PNPLA1: variants seen among roughly 807,000 people sequenced by gnomAD.
The protein encoded by PNPLA1 is omega-hydroxyceramide transacylase.
PNPLA1 carries 36 observed loss-of-function variants against 51.7 expected under a neutral mutation model. The observed-to-expected ratio is 0.70, with a 90% CI of 0.53 to 0.92. The LOEUF is 0.92. PNPLA1 is among the 40% of genes least tolerant of loss of function. The pLI is 0.00. For synonymous variants in PNPLA1, 293 were observed against 280.1 expected (o/e 1.05, Z -0.46); for missense variants, 658 against 682.5 (o/e 0.96, Z 0.40).
rs1321284108 is a variant in PNPLA1, at chr6:36,245,061, C to A, written c.-81+1800C>A. Among the ~76,000 whole-genome samples the A allele has an allele frequency of 2.0e-5, 3 of 152,196 alleles. No individual in the cohort carries two copies. The East Asian group carries it at 5.8e-4, about 29-fold the overall frequency. Reference sequence around the variant, plus strand: ...ACATCTCGAAGCGGGGCCCGCAGGTCATAGGTGGATTCAAAGATCCTCTGA... The same window carrying A: ...ACATCTCGAAGCGGGGCCCGCAGGTAATAGGTGGATTCAAAGATCCTCTGA... On this transcript the variant is annotated intron_variant, in intron 1 of 7. Transcript: ENST00000312917.
At chr6:36,248,059 G>A (rs563359644) in intron 1 of PNPLA1, among the ~76,000 whole-genome samples, 10 of 152,220 alleles carry the variant, frequency 6.6e-5, no homozygotes, top group South Asian at 2.1e-4. Flanking sequence ...ATCTGCCACC[G>A]TGTACCATGC....
rs61365486 is a variant in PNPLA1, at chr6:36,282,249, G to GGAAA, written c.206-9048_206-9045dup. Among the ~76,000 whole-genome samples the GGAAA allele has an allele frequency of 6.2e-3, 698 of 112,038 alleles. 3 individuals carry two copies. The highest frequency in any genetic ancestry group is 0.017 in the African/African-American group (494 of 28,924). The allele number at this position is 112,038 out of a possible 152,430, so 73.5% of individuals were successfully genotyped here. A position where few individuals can be genotyped will look rare whatever the true frequency, so the allele number is the denominator to read the frequency against. ...AGGAAGGAAGGAAAGAAAGAAAGAA[G>GGAAA]GAAAGAAAGAAAGAAAGAAAGAAAG... On this transcript the variant is annotated intron_variant, in intron 1 of 8. Transcript: ENST00000636260.
At position 36,302,005 on chromosome 6, in the gene PNPLA1, C is replaced by T. The variant is rs1771068168; in HGVS notation, c.920C>T (p.Ala307Val). ...LRARQASLEG[A>V]TQPHKEWVPK... is the part of the protein sequence containing the mutation. Reference sequence around the variant, plus strand: ...GCACGGCAGGCCAGTCTGGAAGGAGCCACACAACCTCACAAGGAGTGGGTT... The same window carrying T: ...GCACGGCAGGCCAGTCTGGAAGGAGTCACACAACCTCACAAGGAGTGGGTT... Residue 307 changes from alanine (A) to valine (V), a missense_variant, in exon 6 of 9, where the codon GCC (alanine) becomes GTC (valine). Transcript: ENST00000636260. 1.2e-6 allele frequency: 2 copies of T among 1,614,250 alleles called. No homozygotes were observed. The highest frequency in any genetic ancestry group is 1.7e-6 in the Non-Finnish European group (2 of 1,180,044).
chr6:36,287,233 A>T lies in PNPLA1; in HGVS notation c.206-4087A>T, dbSNP rs193070237. Among the ~76,000 whole-genome samples the T allele has an allele frequency of 5.9e-5, 9 of 152,294 alleles. No individual in the cohort carries two copies. In the East Asian group the frequency reaches 1.5e-3, roughly 26 times the overall value. ...CCTTGGTGGGCATAGAATATGGCCCATCTCTCCCCTGGAGGAATTTCCAGC... is the reference window on the plus strand; with the variant it reads ...CCTTGGTGGGCATAGAATATGGCCCTTCTCTCCCCTGGAGGAATTTCCAGC... On this transcript the variant is annotated intron_variant, in intron 1 of 8. Transcript: ENST00000636260.
chr6:36,256,241 A>G (rs1769530723), intron 1 of PNPLA1, among the ~76,000 whole-genome samples: 1 of 152,140 alleles, frequency 6.6e-6, no homozygotes, highest in African/African-American at 2.4e-5. Flanking sequence ...CTGTAATCCT[A>G]GCACTTTGAG....
intron 5 of PNPLA1, among the ~76,000 whole-genome samples, chr6:36,297,888 A>ACACACACACACACC (rs60041749): frequency 2.7e-5 from 4 of 150,784 alleles, no homozygotes; most frequent in African/African-American, 9.8e-5. Flanking sequence ...ACACACACAC[A>ACACACACACACACC]CCCTGTGAAA....
rs374973035 is a variant in PNPLA1, at chr6:36,270,636, C to T, written c.177C>T (p.Ala59=). The T allele has an allele frequency of 3.5e-5, 54 of 1,551,262 alleles. No homozygotes were observed. In the South Asian group the frequency reaches 3.9e-4, roughly 11 times the overall value. ...FAGTSAGAVI[A]ALAICGIEMD... ...GGACATCGGCAGGTGCTGTGATCGC[C>T]GCCCTGGCCATCTGCGGGATTGAAA... Residue 59 remains alanine, a synonymous_variant, in exon 1 of 9, where the codon GCC becomes GCT. Coordinates refer to ENST00000636260, the MANE Select transcript of PNPLA1 (RefSeq NM_001374623.1).
chr6:36,264,592 A>G (rs1356521666), intron 1 of PNPLA1, among the ~76,000 whole-genome samples: 1 of 152,164 alleles, frequency 6.6e-6, no homozygotes, highest in Non-Finnish European at 1.5e-5. Flanking sequence ...GTGAAAGGTG[A>G]TATTGATTAG....
chr6:36,271,978 C>T (rs374009700), intron 1 of PNPLA1, among the ~76,000 whole-genome samples: 6 of 152,160 alleles, frequency 3.9e-5, no homozygotes, highest in African/African-American at 7.2e-5. Context: ...GCCTAGTTCC[C>T]GGCATTGTTA....
chr6:36,268,875 T>C (rs1769826662), upstream of PNPLA1, among the ~76,000 whole-genome samples: 1 of 152,186 alleles, frequency 6.6e-6, no homozygotes, highest in Admixed American at 6.5e-5. Context: ...GGGCAGGGTC[T>C]CTGCTGTCCA....
upstream of PNPLA1, among the ~76,000 whole-genome samples, chr6:36,265,669 AGG>A (rs1258560202): frequency 5.3e-5 from 8 of 152,242 alleles, 1 homozygote; most frequent in Admixed American, 5.2e-4. Context: ...GCAAATATCA[AGG>A]GAACAGTGAC....
chr6:36,288,799 C>T (rs544210365), intron 1 of PNPLA1, among the ~76,000 whole-genome samples: 149 of 152,020 alleles, frequency 9.8e-4, no homozygotes, highest in African/African-American at 3.4e-3. Flanking sequence ...CAGCTGGGTG[C>T]GGTGGCACAT....
intron 1 of PNPLA1, among the ~76,000 whole-genome samples, chr6:36,274,214 A>T (rs1770020840): frequency 6.6e-6 from 1 of 152,210 alleles, no homozygotes; most frequent in South Asian, 2.1e-4. Flanking sequence ...AGAAAATTTA[A>T]ATAACTTGCC....
chr6:36,266,483 T>G (rs1162773105), upstream of PNPLA1, among the ~76,000 whole-genome samples: 1 of 152,202 alleles, frequency 6.6e-6, no homozygotes, highest in Non-Finnish European at 1.5e-5. Flanking sequence ...GGTCTCCCTG[T>G]GTGCCTTTTA....
Position 36,295,374 on chromosome 6 carries a change from A to AT in PNPLA1, c.727dup (p.Tyr243LeufsTer22). ...TGCCTCCGCCCACAGATCCTGCACG[A>AT]TTACTACTACCGAGGGTACGAGGAT... On this transcript the variant is annotated frameshift_variant, in exon 5 of 9. Transcript: ENST00000636260. LOFTEE classifies it high-confidence loss of function. 2 of 1,614,132 alleles carry AT rather than the reference A, an allele frequency of 1.2e-6. No homozygotes were observed. Among genetic ancestry groups the AT allele is most frequent in the Non-Finnish European group, 1.7e-6 (2 of 1,180,022 alleles).
chr6:36,261,915 G>A (rs1769657666), intron 1 of PNPLA1, among the ~76,000 whole-genome samples: 1 of 152,206 alleles, frequency 6.6e-6, no homozygotes, highest in African/African-American at 2.4e-5. Flanking sequence ...ATGCTGATCT[G>A]ATCCCTTTCT....
chr6:36,269,938 C>T (rs1360137619), upstream of PNPLA1, among the ~76,000 whole-genome samples: 3 of 152,206 alleles, frequency 2.0e-5, no homozygotes, highest in Admixed American at 6.5e-5. Flanking sequence ...TGGAGGGAGG[C>T]GGGCTTGGAA....
Position 36,286,172 on chromosome 6 carries a change from C to A in PNPLA1, c.206-5148C>A, listed in dbSNP as rs191838334. On this transcript the variant is annotated intron_variant, in intron 1 of 8. Transcript: ENST00000636260. ...ATCCAGTAAGGTAGGTATTCTTATA[C>A]TAATTTTACAGGCAACAAAGTTGAG... 3.9e-5 allele frequency among the ~76,000 whole-genome samples: 6 copies of A among 152,328 alleles called. No homozygotes were observed. In the East Asian group the frequency reaches 9.6e-4, roughly 24 times the overall value.
chr6:36,262,222 T>G (rs1011225770), intron 1 of PNPLA1, among the ~76,000 whole-genome samples: 3 of 151,922 alleles, frequency 2.0e-5, no homozygotes, highest in Admixed American at 2.0e-4. Context: ...CAATCCACTT[T>G]CCCCTGTCCC....
Sources: gnomAD v4.1 joint callset for allele counts (sites outside exome capture counted in the v4.1 genomes callset) on GRCh38, gnomAD v4.1.1 for gene constraint, MANE v1.5 for transcripts, NCBI Gene and HGNC (gene_info 2026-07-23, HGNC 2026-07-21) for gene names.